The following ATP13A2 variants were observed in gnomAD, a reference collection of about 807,000 sequenced individuals.
ATP13A2 encodes ATPase cation transporting 13A2.
ATP13A2 carries 83 observed loss-of-function variants against 138.3 expected under a neutral mutation model. That is an observed-to-expected ratio of 0.60 (90% confidence interval 0.50 to 0.72). ATP13A2 has a LOEUF of 0.72. ATP13A2 is among the 30% of genes least tolerant of loss of function. ATP13A2 has a pLI of 0.00. For synonymous variants in ATP13A2, 663 were observed against 699.0 expected, an observed-to-expected ratio of 0.95 and a Z score of 0.81; for missense variants, 1,402 against 1,606.4, an observed-to-expected ratio of 0.87 and a Z score of 2.17.
chr1:16,997,055 AC>A lies in ATP13A2; in HGVS notation c.1159del (p.Val387TrpfsTer9). On this transcript the variant is annotated frameshift_variant, in exon 12 of 29. Coordinates refer to ENST00000326735, the MANE Select transcript of ATP13A2 (RefSeq NM_022089.4). LOFTEE classifies it high-confidence loss of function. Reference protein sequence around the residue: ...GTLILQARAYVGPHVLAVVTR... With the variant: ...GTLILQARAYXGPHVLAVVTR... ...CACCACTGCCAGGACGTGCGGTCCC[AC>A]ATAGGCCCGGGCCTGCAAGATGAGG... is the stretch of plus-strand genomic sequence containing the variant. The A allele has an allele frequency of 6.2e-7, 1 of 1,613,134 alleles. No individual in the cohort carries two copies. The highest frequency in any genetic ancestry group is 8.5e-7 in the Non-Finnish European group (1 of 1,179,968).
chr1:16,990,889 G>C (rs557427738), intron 20 of ATP13A2, among the ~76,000 whole-genome samples: 1 of 152,160 alleles, frequency 6.6e-6, no homozygotes, highest in East Asian at 1.9e-4. Flanking sequence ...ACATATGTGT[G>C]TGTGCAGGGG....
At chr1:16,996,202 T>G (rs759894418) in intron 14 of ATP13A2, 38 bp from the exon 15 acceptor site, 1 of 1,614,136 alleles carries the variant, frequency 6.2e-7, no homozygotes, top group Non-Finnish European at 8.5e-7. Context: ...ACCTGGCTGG[T>G]TGGCCCCTGG....
chr1:17,011,663 G>T lies in ATP13A2; in HGVS notation c.10+66C>A. 6.8e-7 allele frequency: 1 copy of T among 1,465,154 alleles called. No homozygotes were observed. Among genetic ancestry groups the T allele is most frequent in the East Asian group, 2.9e-5 (1 of 34,428 alleles). The allele number at this position is 1,465,154 out of a possible 1,614,324, so 90.8% of individuals were successfully genotyped here. A position where few individuals can be genotyped will look rare whatever the true frequency, so the allele number is the denominator to read the frequency against. On this transcript the variant is annotated intron_variant, in intron 1 of 28. Coordinates refer to ENST00000326735, the MANE Select transcript of ATP13A2 (RefSeq NM_022089.4). This position sits in a 1 kb window ranked among gnomAD's most constrained non-coding sequence, Gnocchi z 7.3. ...GCGTCGCCTCCCCTCTCCCTCCAAGGGGTGACGACAACTGGCGGGCCGGGG... is the reference window on the plus strand; with the variant it reads ...GCGTCGCCTCCCCTCTCCCTCCAAGTGGTGACGACAACTGGCGGGCCGGGG...
rs1012977453 is a variant in ATP13A2 at position 17,011,241 on chromosome 1, G to T, written c.10+488C>A. ...TCTGAGGCAGGAGGTCAGGAGTGGC[G>T]CTGTGGCCCAGGACATCTACCCAGG... is the stretch of plus-strand genomic sequence containing the variant. On this transcript the variant is annotated intron_variant, in intron 1 of 28. Coordinates refer to ENST00000326735, the MANE Select transcript of ATP13A2 (RefSeq NM_022089.4). This position sits in a 1 kb window ranked among gnomAD's most constrained non-coding sequence, Gnocchi z 7.3. 4.7e-4 allele frequency among the ~76,000 whole-genome samples: 72 copies of T among 152,212 alleles called. No homozygotes were observed. The highest frequency in any genetic ancestry group is 1.7e-3 in the African/African-American group (72 of 41,516).
intron 1 of ATP13A2, among the ~76,000 whole-genome samples, chr1:17,008,940 G>C (rs1347737751): frequency 6.1e-5 from 9 of 148,600 alleles, no homozygotes; most frequent in Non-Finnish European, 1.3e-4. Context: ...CTCCAGCCAG[G>C]GTGACAGAGC....
At chr1:16,989,841 G>C (rs757153866) in intron 22 of ATP13A2, 46 bp downstream of exon 22, 4 of 1,611,202 alleles carry the variant, frequency 2.5e-6, no homozygotes, top group Admixed American at 1.7e-5. Flanking sequence ...GAAGGAGACA[G>C]AGCAGGGGAG....
Position 17,004,984 on chromosome 1 carries a change from T to A in ATP13A2, c.347+30A>T. 6.2e-7 allele frequency: 1 copy of A among 1,613,380 alleles called. No individual in the cohort carries two copies. Among genetic ancestry groups the A allele is most frequent in the Non-Finnish European group, 8.5e-7 (1 of 1,179,958 alleles). On this transcript the variant is annotated intron_variant, in intron 4 of 28. Transcript: ENST00000326735. The surrounding 1 kb of genome is among the most constrained non-coding windows in gnomAD (Gnocchi z 4.1). The stretch of plus-strand genomic sequence containing the variant: ...TTGGGGAGGCCAGGGTAGCAGGGGC[T>A]TCTGGGAAGGGGCAATGGGGCTGCC...
Position 16,986,595 on chromosome 1 carries a change from G to C in ATP13A2, c.3273C>G (p.Val1091=), listed in dbSNP as rs1415901248. 6.2e-7 allele frequency: 1 copy of C among 1,611,416 alleles called. No individual in the cohort carries two copies. The highest frequency in any genetic ancestry group is 8.5e-7 in the Non-Finnish European group (1 of 1,179,692). ...FLVALALLSS[V]LVGLVLVPGL... ...CGGGGACCAGGACAAGGCCCACCAG[G>C]ACGGAGCTCAGGAGCGCCAGGGCCA... Residue 1091 remains valine, a synonymous_variant, in exon 28 of 29, where the codon GTC becomes GTG. Transcript: ENST00000326735. The surrounding 1 kb of genome is among the most constrained non-coding windows in gnomAD (Gnocchi z 6.9).
rs750465369 is a variant in ATP13A2, at chr1:16,992,260, A to G, written c.1988T>C (p.Leu663Pro). 1.2e-6 allele frequency: 2 copies of G among 1,612,502 alleles called. No individual in the cohort carries two copies. Among genetic ancestry groups the G allele is most frequent in the Middle Eastern group, 1.6e-4 (1 of 6,062 alleles). The change falls in exon 18 of 29, where the codon CTC becomes CCC. Residue 663 changes from leucine to proline, a missense_variant. Leu to Pro is a moderately conservative substitution (Grantham distance 98). Transcript: ENST00000326735. ...VKGSPELVAG[L>P]CNPETVPTDF... ...CCCTGCACCTGTCTCGGGGTTGCAG[A>G]GCCCTGCCACCAGCTCCGGGGAGCC...
Position 16,986,483 on chromosome 1 carries a change from C to T in ATP13A2, c.3385G>A (p.Val1129Met), listed in dbSNP as rs781551851. 11 of 1,612,296 alleles carry T rather than the reference C, an allele frequency of 6.8e-6. No homozygotes were observed. The South Asian group carries it at 7.7e-5, about 11-fold the overall frequency. The change falls in exon 28 of 29, where the codon GTG becomes ATG. Residue 1129 changes from valine to methionine, a missense_variant. Coordinates refer to ENST00000326735, the MANE Select transcript of ATP13A2 (RefSeq NM_022089.4). This position sits in a 1 kb window ranked among gnomAD's most constrained non-coding sequence, Gnocchi z 6.9. ...LLLGLVTLNF[V>M]GAFMLESVLD... ...CCCACCTCCAGCATGAAGGCCCCCA[C>T]GAAGTTGAGGGTGACCAGACCCAGC...
intron 11 of ATP13A2, among the ~76,000 whole-genome samples, chr1:16,997,426 G>GGGGGGGGGA (rs2077178291): frequency 4.3e-5 from 6 of 139,358 alleles, no homozygotes; most frequent in Non-Finnish European, 7.7e-5. Context: ...GGGGGGGGTG[G>GGGGGGGGGA]GTCAGACAGA....
Position 16,986,101 on chromosome 1 carries a change from T to C in ATP13A2, c.*120A>G. 2 of 1,555,546 alleles carry C rather than the reference T, an allele frequency of 1.3e-6. No individual in the cohort carries two copies. Among genetic ancestry groups the C allele is most frequent in the South Asian group, 1.2e-5 (1 of 84,212 alleles). ...GGTGGGGGTGGTCTCGGGGGAGGAG[T>C]GTAGACAGTCGCCAACCTCAGGGAT... On this transcript the variant is annotated 3_prime_UTR_variant, in exon 29 of 29. Coordinates refer to ENST00000326735, the MANE Select transcript of ATP13A2 (RefSeq NM_022089.4). This position sits in a 1 kb window ranked among gnomAD's most constrained non-coding sequence, Gnocchi z 6.9.
chr1:16,996,195 T>C (rs200796990), intron 14 of ATP13A2, 31 bp from the exon 15 acceptor site: 769 of 1,614,162 alleles, frequency 4.8e-4, no homozygotes, highest in Admixed American at 1.3e-3. Flanking sequence ...TGTGAGCACC[T>C]GGCTGGTTGG....
intron 10 of ATP13A2, 52 bp from the exon 11 acceptor site, chr1:17,000,194 G>GGGCGCCCC: frequency 6.4e-7 from 1 of 1,570,254 alleles, no homozygotes. Context: ...CCCCAGCCAT[G>GGGCGCCCC]CCCCCCCACC....
chr1:16,991,031 C>G (rs891466015), intron 20 of ATP13A2, among the ~76,000 whole-genome samples: 2 of 151,728 alleles, frequency 1.3e-5, no homozygotes, highest in African/African-American at 4.8e-5. Flanking sequence ...CTCACTGCAA[C>G]CTCCACCTCC....
rs750889358 is a variant in ATP13A2, at chr1:16,990,182, G to C, written c.2357C>G (p.Pro786Arg). 6.2e-7 allele frequency: 1 copy of C among 1,614,036 alleles called. No homozygotes were observed. Among genetic ancestry groups the C allele is most frequent in the Non-Finnish European group, 8.5e-7 (1 of 1,180,034 alleles). The change falls in exon 21 of 29, where the codon CCT becomes CGT. Residue 786 changes from proline to arginine, a missense_variant. Physicochemically the swap from Pro to Arg is moderately radical, Grantham distance 103. Coordinates refer to ENST00000326735, the MANE Select transcript of ATP13A2 (RefSeq NM_022089.4). ...CATCGGCAGGAACTCGAGAGAGGCA[G>C]GCTGACCCCGCTCAGGGTGGGTGGC... ...VHATHPERGQ[P>R]ASLEFLPMES...
intron 18 of ATP13A2, 34 bp downstream of exon 18, chr1:16,992,209 C>G: frequency 6.2e-7 from 1 of 1,611,688 alleles, no homozygotes; most frequent in Non-Finnish European, 8.5e-7. Context: ...GTGCCAATGC[C>G]CAACCAGGGG....
rs1488939495 is a variant in ATP13A2 at position 16,986,572 on chromosome 1, G to A, written c.3296C>T (p.Pro1099Leu). Residue 1099 changes from proline (P) to leucine (L), a missense_variant, in exon 28 of 29, where the codon CCC (proline) becomes CTC (leucine). Coordinates refer to ENST00000326735, the MANE Select transcript of ATP13A2 (RefSeq NM_022089.4). The surrounding 1 kb of genome is among the most constrained non-coding windows in gnomAD (Gnocchi z 6.9). ...SSVLVGLVLVPGLLQGPLALR... is the reference protein window; with the variant it reads ...SSVLVGLVLVLGLLQGPLALR... Reference sequence around the variant, plus strand: ...CGCCAGCGGCCCCTGCAGGAGGCCGGGGACCAGGACAAGGCCCACCAGGAC... The same window carrying A: ...CGCCAGCGGCCCCTGCAGGAGGCCGAGGACCAGGACAAGGCCCACCAGGAC... 1 of 1,612,078 alleles carries A rather than the reference G, an allele frequency of 6.2e-7. No individual in the cohort carries two copies. The highest frequency in any genetic ancestry group is 8.5e-7 in the Non-Finnish European group (1 of 1,179,782).
rs535945771 is a variant in ATP13A2, at chr1:17,004,936, G to A, written c.347+78C>T. 3.7e-6 allele frequency: 6 copies of A among 1,610,848 alleles called. No homozygotes were observed. In the African/African-American group the frequency reaches 5.3e-5, roughly 14 times the overall value. On this transcript the variant is annotated intron_variant, in intron 4 of 28. Coordinates refer to ENST00000326735, the MANE Select transcript of ATP13A2 (RefSeq NM_022089.4). The surrounding 1 kb of genome is among the most constrained non-coding windows in gnomAD (Gnocchi z 4.1). ...GGGAGGCGCCAGAGTCAGCCTTTAT[G>A]GGGGGGCCGAGGGTTGGGGAAGTTG...
Sources: gnomAD v4.1 joint callset for allele counts (sites outside exome capture counted in the v4.1 genomes callset) on GRCh38, gnomAD v4.1.1 for gene constraint, Gnocchi (gnomAD v3.1) non-coding constraint, MANE v1.5 for transcripts, NCBI Gene and HGNC (gene_info 2026-07-23, HGNC 2026-07-21) for gene names.